Variants in CDK19 observed in about 807,000 individuals in gnomAD.
The protein encoded by CDK19 is cyclin dependent kinase 19.
A neutral mutation model predicts 68.3 loss-of-function variants in CDK19; 20 were observed. The observed-to-expected ratio is 0.29, with a 90% CI of 0.21 to 0.43. CDK19 has a LOEUF of 0.43. Ranked by LOEUF, CDK19 falls within the 20% of genes least tolerant of loss-of-function variation. The pLI, the probability that CDK19 is intolerant of heterozygous loss-of-function variation, is 1.00. For synonymous variants in CDK19, 221 were observed against 222.8 expected (o/e 0.99, Z 0.07); for missense variants, 339 against 623.5 (o/e 0.54, Z 4.86).
At chr6:110,679,745 T>C (rs971964057) in intron 2 of CDK19, among the ~76,000 whole-genome samples, 1 of 152,234 alleles carries the variant, frequency 6.6e-6, no homozygotes, top group Non-Finnish European at 1.5e-5. Context: ...TACAGAAATA[T>C]GTCACTTAAA....
chr6:110,811,138 T>C (rs1008599056), intron 1 of CDK19, among the ~76,000 whole-genome samples: 4 of 152,190 alleles, frequency 2.6e-5, no homozygotes, highest in Admixed American at 2.6e-4. Flanking sequence ...ATCTAAAACT[T>C]TGGAAAGTTC....
chr6:110,677,056 A>T (rs1376735475), intron 2 of CDK19, among the ~76,000 whole-genome samples: 1 of 152,194 alleles, frequency 6.6e-6, no homozygotes. Flanking sequence ...AAGTCACTAA[A>T]TATCAACATG....
At chr6:110,806,314 T>C (rs1782679164) in intron 1 of CDK19, among the ~76,000 whole-genome samples, 1 of 148,906 alleles carries the variant, frequency 6.7e-6, no homozygotes, top group South Asian at 2.1e-4. Context: ...CACAACAGCC[T>C]GGGCAAGAAG....
At chr6:110,678,669 C>T (rs1402232539) in intron 2 of CDK19, among the ~76,000 whole-genome samples, 1 of 152,154 alleles carries the variant, frequency 6.6e-6, no homozygotes, top group Non-Finnish European at 1.5e-5. Context: ...TGTAGAAAAT[C>T]AAAAGCTTTC....
chr6:110,614,672 A>G lies in CDK19; in HGVS notation c.1378-6T>C. 6.2e-7 allele frequency: 1 copy of G among 1,613,906 alleles called. No homozygotes were observed. The highest frequency in any genetic ancestry group is 8.5e-7 in the Non-Finnish European group (1 of 1,179,856). On this transcript the variant is annotated splice_region_variant and splice_polypyrimidine_tract_variant and intron_variant, in intron 12 of 12. Coordinates refer to ENST00000368911, the MANE Select transcript of CDK19 (RefSeq NM_015076.5). The stretch of plus-strand genomic sequence containing the variant: ...TTCAGGCGAGAACTGGAGTGCTAGG[A>G]GAAGGAAACAGGAAAAGGGAATTAC...
At chr6:110,814,611 A>G (rs1562310688) in intron 1 of CDK19, 2 of 466,130 alleles carry the variant, frequency 4.3e-6, no homozygotes, top group Admixed American at 2.3e-5. Context: ...AAGTTCCACA[A>G]CGACCGTCAC....
intron 1 of CDK19, among the ~76,000 whole-genome samples, chr6:110,794,207 A>G (rs802675): frequency 0.33 from 50,079 of 151,182 alleles, 9,414 homozygotes; most frequent in East Asian, 0.68. Context: ...CACCACGCCT[A>G]GCTAACTTTT....
chr6:110,770,202 G>A (rs925974616), intron 1 of CDK19, among the ~76,000 whole-genome samples: 1 of 152,136 alleles, frequency 6.6e-6, no homozygotes, highest in Non-Finnish European at 1.5e-5. Flanking sequence ...TTCACATAAG[G>A]TGTATATCCT....
At chr6:110,773,051 T>TTA (rs796620969) in intron 1 of CDK19, among the ~76,000 whole-genome samples, 1 of 132,738 alleles carries the variant, frequency 7.5e-6, no homozygotes, top group East Asian at 2.1e-4. Context: ...CCCCGTCTCT[T>TTA]AAAAAAAAAA....
intron 1 of CDK19, among the ~76,000 whole-genome samples, chr6:110,752,726 T>C (rs532562332): frequency 6.6e-6 from 1 of 152,262 alleles, no homozygotes; most frequent in East Asian, 1.9e-4. Flanking sequence ...ACTACCTTTA[T>C]TTACTCCTGT....
intron 4 of CDK19, among the ~76,000 whole-genome samples, chr6:110,664,547 A>G (rs537218081): frequency 6.6e-6 from 1 of 152,334 alleles, no homozygotes; most frequent in South Asian, 2.1e-4. Context: ...ATGTTCATTA[A>G]GGATAGTGTA....
At chr6:110,730,583 A>C (rs1776675047) in intron 2 of CDK19, among the ~76,000 whole-genome samples, 1 of 152,234 alleles carries the variant, frequency 6.6e-6, no homozygotes. Flanking sequence ...ACAAAGAAAC[A>C]CTATTAAACT....
intron 2 of CDK19, among the ~76,000 whole-genome samples, chr6:110,675,627 C>CAAAAAAAAAAAAAAAA: frequency 1.8e-5 from 1 of 56,532 alleles, no homozygotes; most frequent in Non-Finnish European, 3.4e-5. Flanking sequence ...GACTCCATCT[C>CAAAAAAAAAAAAAAAA]AAAAAAAAAA....
chr6:110,744,327 T>C (rs1341119971), intron 2 of CDK19, among the ~76,000 whole-genome samples: 1 of 151,734 alleles, frequency 6.6e-6, no homozygotes, highest in Non-Finnish European at 1.5e-5. Context: ...CACTTTATAA[T>C]CAATGGAAAA....
intron 2 of CDK19, among the ~76,000 whole-genome samples, chr6:110,716,132 T>C (rs1775370148): frequency 6.6e-6 from 1 of 152,184 alleles, no homozygotes; most frequent in Non-Finnish European, 1.5e-5. Context: ...AATAAGATAA[T>C]TAATTTAAAG....
chr6:110,647,121 A>G (rs1780651868), intron 4 of CDK19, among the ~76,000 whole-genome samples: 1 of 152,030 alleles, frequency 6.6e-6, no homozygotes, highest in South Asian at 2.1e-4. Flanking sequence ...TCACCCCCAA[A>G]GGAAAAGCCA....
chr6:110,652,233 G>C (rs896756648), intron 4 of CDK19, among the ~76,000 whole-genome samples: 1 of 152,104 alleles, frequency 6.6e-6, no homozygotes, highest in Non-Finnish European at 1.5e-5. Context: ...CAGGGTTCTC[G>C]AAGCTAAGAG....
At position 110,623,262 on chromosome 6, in the gene CDK19, G is replaced by T. The variant is rs1464097101; in HGVS notation, c.933+28C>A. The stretch of plus-strand genomic sequence containing the variant: ...AAGGCGAGATTTGTGCTGAGAATCA[G>T]ATTTTAGTCTGGGAGAGAAGCACCT... On this transcript the variant is annotated intron_variant, in intron 9 of 12. Transcript: ENST00000368911. The T allele has an allele frequency of 2.5e-6, 4 of 1,589,410 alleles. No individual in the cohort carries two copies. In the Admixed American group the frequency reaches 6.7e-5, roughly 27 times the overall value.
intron 1 of CDK19, among the ~76,000 whole-genome samples, chr6:110,801,636 C>T (rs1301388142): frequency 6.6e-6 from 1 of 152,018 alleles, no homozygotes; most frequent in African/African-American, 2.4e-5. Flanking sequence ...CTCAGCCTCC[C>T]GAGTAGCTGG....
Sources: allele counts gnomAD v4.1 joint callset (sites outside exome capture counted in the v4.1 genomes callset), GRCh38; gene constraint gnomAD v4.1.1; transcripts MANE v1.5; gene names NCBI Gene and HGNC (gene_info 2026-07-23, HGNC 2026-07-21).